The following COL21A1 variants were observed in gnomAD, a reference collection of about 807,000 sequenced individuals.
COL21A1 encodes collagen type XXI alpha 1 chain.
COL21A1 carries 149 observed loss-of-function variants against 137.9 expected under a neutral mutation model. That is an observed-to-expected ratio of 1.08 (90% CI 0.95 to 1.24). COL21A1 has a LOEUF of 1.24. Ranked by LOEUF, COL21A1 falls within the 50% of genes most tolerant of loss-of-function variation. The pLI is 0.00. For synonymous variants in COL21A1, 456 were observed against 391.5 expected (o/e 1.16, Z -1.95); for missense variants, 1,167 against 1,158.4 (o/e 1.01, Z -0.11).
At chr6:56,156,320 G>T (rs891055890) in intron 10 of COL21A1, among the ~76,000 whole-genome samples, 11 of 152,152 alleles carry the variant, frequency 7.2e-5, no homozygotes, top group Admixed American at 3.9e-4. Context: ...CTAAACTTAG[G>T]CAGCTTTCTT....
chr6:56,294,295 C>T (rs896493145), intron 1 of COL21A1, among the ~76,000 whole-genome samples: 2 of 152,048 alleles, frequency 1.3e-5, no homozygotes, highest in African/African-American at 4.8e-5. Context: ...TCAATCAATA[C>T]ATTCCATAGA....
intron 1 of COL21A1, among the ~76,000 whole-genome samples, chr6:56,230,889 G>A (rs1453425643): frequency 2.6e-5 from 4 of 151,874 alleles, no homozygotes; most frequent in African/African-American, 4.8e-5. Context: ...CCATGTGAAA[G>A]GTTTATAATT....
chr6:56,206,697 A>AATATATATATATAT (rs1204449084), intron 1 of COL21A1, among the ~76,000 whole-genome samples: 17 of 32,222 alleles, frequency 5.3e-4, no homozygotes, highest in South Asian at 1.4e-3. Context: ...TAAATAAATA[A>AATATATATATATAT]ATATATATAT....
intron 10 of COL21A1, among the ~76,000 whole-genome samples, chr6:56,142,237 G>A (rs1290818393): frequency 6.6e-6 from 1 of 152,048 alleles, no homozygotes; most frequent in Non-Finnish European, 1.5e-5. Context: ...CTTAAATTAA[G>A]AGGAGAGTTA....
At position 56,098,668 on chromosome 6, in the gene COL21A1, T is replaced by A. The variant is rs866819532; in HGVS notation, c.1812+2804A>T. ...ATATAAATATATAAATATATATAAA[T>A]ATATATATAAATATATATAAATATA... On this transcript the variant is annotated intron_variant, in intron 17 of 29. Transcript: ENST00000244728. 4.3e-4 allele frequency among the ~76,000 whole-genome samples: 21 copies of A among 48,934 alleles called. 1 individual carries two copies. The highest frequency in any genetic ancestry group is 1.4e-3 in the African/African-American group (14 of 9,892). 32.1% of individuals were successfully genotyped at this position (48,934 alleles called of 152,430 possible). A position where few individuals can be genotyped will look rare whatever the true frequency, so the allele number is the denominator to read the frequency against.
At chr6:56,188,583 C>T (rs1183314231) in intron 1 of COL21A1, among the ~76,000 whole-genome samples, 1 of 152,158 alleles carries the variant, frequency 6.6e-6, no homozygotes, top group Admixed American at 6.5e-5. Context: ...ATTTCCCTGC[C>T]TGACGGCTCT....
intron 1 of COL21A1, among the ~76,000 whole-genome samples, chr6:56,207,792 A>T (rs766133849): frequency 2.0e-5 from 3 of 152,240 alleles, no homozygotes; most frequent in Non-Finnish European, 2.9e-5. Context: ...TCAATAAAAT[A>T]CTGGCAAACT....
chr6:56,191,440 A>G lies in COL21A1; in HGVS notation c.-38-8784T>C, dbSNP rs188836290. ...CTCTACTAAAAATACAAAAAAAAAA[A>G]AAAAAGTCGGGTGTGGTGGCAGTTG... On this transcript the variant is annotated intron_variant, in intron 1 of 29. Coordinates refer to ENST00000244728, the MANE Select transcript of COL21A1 (RefSeq NM_030820.4). Among the ~76,000 whole-genome samples, 1,240 of 151,900 alleles carry G rather than the reference A, an allele frequency of 8.2e-3. 22 individuals carry two copies. Among genetic ancestry groups the G allele is most frequent in the African/African-American group, 0.029 (1,195 of 41,410 alleles).
chr6:56,270,562 T>C (rs1168928589), intron 1 of COL21A1, among the ~76,000 whole-genome samples: 2 of 152,130 alleles, frequency 1.3e-5, no homozygotes, highest in Non-Finnish European at 2.9e-5. Context: ...ACTCAACTAA[T>C]TGGACCAAAT....
At chr6:56,296,721 G>A (rs1337426326) in intron 1 of COL21A1, among the ~76,000 whole-genome samples, 1 of 151,912 alleles carries the variant, frequency 6.6e-6, no homozygotes, top group African/African-American at 2.4e-5. Flanking sequence ...GATTGGAGGG[G>A]TTCATGTAAA....
intron 1 of COL21A1, among the ~76,000 whole-genome samples, chr6:56,332,663 C>A (rs1765256179): frequency 6.6e-6 from 1 of 150,472 alleles, no homozygotes; most frequent in Admixed American, 6.6e-5. Context: ...TCTCTTGTCA[C>A]CATTTTCAAC....
At chr6:56,067,002 G>GTATA (rs67577800) in intron 23 of COL21A1, among the ~76,000 whole-genome samples, 11 of 147,794 alleles carry the variant, frequency 7.4e-5, no homozygotes, top group African/African-American at 2.7e-4. Context: ...TGTGTATGTG[G>GTATA]TATATATATA....
Position 56,060,913 on chromosome 6 carries a change from G to C in COL21A1, c.2330C>G (p.Pro777Arg), listed in dbSNP as rs750287951. The change falls in exon 26 of 30, where the codon CCC (proline) becomes CGC (arginine). Residue 777 changes from proline to arginine, a missense_variant. By Grantham distance (103) the Pro-to-Arg change is moderately radical. Transcript: ENST00000244728. ...TACGGGCTTCCCATCCAAACCTGGG[G>C]GTCCCTGAGGACCTGGATCCCCAGG... ...GQPGDPGPQG[P>R]PGLDGKPGRE... 1.6e-5 allele frequency: 26 copies of C among 1,576,744 alleles called. No homozygotes were observed. In the Admixed American group the frequency reaches 2.6e-4, roughly 16 times the overall value.
chr6:56,090,883 G>C (rs1768746698), intron 17 of COL21A1, among the ~76,000 whole-genome samples: 1 of 152,066 alleles, frequency 6.6e-6, no homozygotes, highest in Admixed American at 6.6e-5. Context: ...GGTTTACTCG[G>C]CACATACTTG....
At chr6:56,082,712 C>T (rs1767896249) in intron 17 of COL21A1, among the ~76,000 whole-genome samples, 1 of 151,508 alleles carries the variant, frequency 6.6e-6, no homozygotes, top group Non-Finnish European at 1.5e-5. Flanking sequence ...TATTTTAAAG[C>T]ACCATTAACC....
At chr6:56,307,762 T>C (rs1456662937) in intron 1 of COL21A1, among the ~76,000 whole-genome samples, 1 of 152,208 alleles carries the variant, frequency 6.6e-6, no homozygotes, top group Non-Finnish European at 1.5e-5. Context: ...CCCAGTGAGA[T>C]GAACCCGGTA....
At chr6:56,393,317 C>G (rs976572553) in intron 1 of COL21A1, among the ~76,000 whole-genome samples, 3 of 152,102 alleles carry the variant, frequency 2.0e-5, no homozygotes, top group Non-Finnish European at 4.4e-5. Flanking sequence ...GAAACTTGAC[C>G]CCATCTCTTT....
chr6:56,237,967 T>C (rs935087380), intron 1 of COL21A1, among the ~76,000 whole-genome samples: 1 of 152,158 alleles, frequency 6.6e-6, no homozygotes, highest in Admixed American at 6.6e-5. Flanking sequence ...GTTTTATTTT[T>C]AGCTTAATAG....
rs532531354 is a variant in COL21A1, at chr6:56,190,126, A to G, written c.-38-7470T>C. ...ACTGAAGGAAATAGAGACACAAAAA[A>G]CCCTTCAAAAAATCAATGAATCCAG... is the stretch of plus-strand genomic sequence containing the variant. On this transcript the variant is annotated intron_variant, in intron 1 of 29. Transcript: ENST00000244728. Among the ~76,000 whole-genome samples the G allele has an allele frequency of 1.2e-4, 19 of 152,270 alleles. No individual in the cohort carries two copies. In the South Asian group the frequency reaches 3.5e-3, roughly 28 times the overall value.
Sources: allele counts gnomAD v4.1 joint callset (sites outside exome capture counted in the v4.1 genomes callset), GRCh38; gene constraint gnomAD v4.1.1; transcripts MANE v1.5; gene names NCBI Gene and HGNC (gene_info 2026-07-23, HGNC 2026-07-21).